PDE3B: variants seen among roughly 807,000 people sequenced by gnomAD.
PDE3B encodes the protein cGMP-inhibited 3',5'-cyclic phosphodiesterase 3B.
A neutral mutation model predicts 116.8 loss-of-function variants in PDE3B; 66 were observed. The ratio of observed to expected loss-of-function variants is 0.56; its 90% CI spans 0.46 to 0.69. The LOEUF is 0.69. Ranked by LOEUF, PDE3B falls within the 30% of genes least tolerant of loss-of-function variation. The pLI, the probability that PDE3B is intolerant of heterozygous loss-of-function variation, is 0.00. For missense variants in PDE3B, 1,384 were observed against 1,368.1 expected (o/e 1.01, Z -0.18); for synonymous variants, 595 against 533.6 (o/e 1.12, Z -1.59).
intron 1 of PDE3B, among the ~76,000 whole-genome samples, chr11:14,671,606 C>T (rs187819803): frequency 1.7e-3 from 264 of 152,080 alleles, no homozygotes; most frequent in Middle Eastern, 3.4e-3. Context: ...GGGCTATTGA[C>T]GGAATAGCTA....
chr11:14,711,289 C>T (rs1486767097), intron 1 of PDE3B, among the ~76,000 whole-genome samples: 1 of 152,146 alleles, frequency 6.6e-6, no homozygotes, highest in Non-Finnish European at 1.5e-5. Context: ...TTATATGACT[C>T]TCAGATAGAG....
At chr11:14,846,433 A>G (rs1202312704) in intron 12 of PDE3B, among the ~76,000 whole-genome samples, 9 of 152,344 alleles carry the variant, frequency 5.9e-5, no homozygotes, top group Admixed American at 2.6e-4. Context: ...TGCATCAACT[A>G]ATGAGCAAAA....
At chr11:14,750,090 G>T (rs1334396799) in intron 1 of PDE3B, among the ~76,000 whole-genome samples, 1 of 150,930 alleles carries the variant, frequency 6.6e-6, no homozygotes, top group Admixed American at 6.6e-5. Context: ...AAGCTGTCAG[G>T]CAGGAAGAAT....
At chr11:14,680,230 C>G (rs1270471675) in intron 1 of PDE3B, among the ~76,000 whole-genome samples, 1 of 152,174 alleles carries the variant, frequency 6.6e-6, no homozygotes, top group Non-Finnish European at 1.5e-5. Flanking sequence ...AGAATTTTAT[C>G]TCACAGTTGC....
the PDE3B span, chr11:14,886,632 C>A: frequency 5.9e-5 from 9 of 152,388 alleles, no homozygotes; most frequent in African/African-American, 2.2e-4. Context: ...TGTCACACCT[C>A]CTGTAGTCTA....
intron 1 of PDE3B, among the ~76,000 whole-genome samples, chr11:14,764,481 G>C (rs1337821590): frequency 6.6e-6 from 1 of 152,070 alleles, no homozygotes; most frequent in African/African-American, 2.4e-5. Context: ...CCGCAAAGTT[G>C]CTGTGATGTT....
chr11:14,685,555 A>G (rs1420571884), intron 1 of PDE3B, among the ~76,000 whole-genome samples: 1 of 145,918 alleles, frequency 6.9e-6, no homozygotes, highest in Non-Finnish European at 1.5e-5. Context: ...TCCTGGGTTC[A>G]AGTGCTTTTT....
At chr11:14,689,647 G>A (rs1442889278) in intron 1 of PDE3B, among the ~76,000 whole-genome samples, 1 of 152,184 alleles carries the variant, frequency 6.6e-6, no homozygotes, top group Non-Finnish European at 1.5e-5. Context: ...TTAGGAGAAA[G>A]ACAAGGACTG....
At chr11:14,785,950 A>G (rs1858178278) in intron 2 of PDE3B, among the ~76,000 whole-genome samples, 1 of 152,044 alleles carries the variant, frequency 6.6e-6, no homozygotes, top group Non-Finnish European at 1.5e-5. Context: ...ATATTAGCCC[A>G]TAATAAGGTA....
the PDE3B span, among the ~76,000 whole-genome samples, chr11:14,882,141 T>C: frequency 6.6e-6 from 1 of 152,140 alleles, no homozygotes; most frequent in Non-Finnish European, 1.5e-5. Flanking sequence ...TCATTTAACA[T>C]GTATTTGTGG....
At chr11:14,693,129 T>G (rs1362812919) in intron 1 of PDE3B, among the ~76,000 whole-genome samples, 1 of 152,224 alleles carries the variant, frequency 6.6e-6, no homozygotes, top group Non-Finnish European at 1.5e-5. Context: ...ATCCAGGCCC[T>G]AACTCTCTTC....
intron 1 of PDE3B, among the ~76,000 whole-genome samples, chr11:14,747,395 C>G (rs1017209179): frequency 6.6e-6 from 1 of 152,172 alleles, no homozygotes; most frequent in Admixed American, 6.5e-5. Flanking sequence ...ACTTACACAA[C>G]ATAACACAAA....
intron 1 of PDE3B, among the ~76,000 whole-genome samples, chr11:14,743,212 T>C (rs1372359541): frequency 6.6e-6 from 1 of 152,162 alleles, no homozygotes; most frequent in African/African-American, 2.4e-5. Context: ...GTTGTATCTC[T>C]AAGCCCCTGA....
Position 14,662,097 on chromosome 11 carries a change from C to A in PDE3B, c.978+17044C>A, listed in dbSNP as rs529866059. Among the ~76,000 whole-genome samples, 3 of 152,240 alleles carry A rather than the reference C, an allele frequency of 2.0e-5. No homozygotes were observed. The South Asian group carries it at 6.2e-4, about 32-fold the overall frequency. On this transcript the variant is annotated intron_variant, in intron 1 of 15. Transcript: ENST00000282096. ...TGACACTTCACACGGCCGGGTACTC[C>A]TCTGAGACAAAACTTCCAGAGGAAC...
intron 15 of PDE3B, among the ~76,000 whole-genome samples, chr11:14,868,125 G>C (rs993804066): frequency 6.6e-6 from 1 of 152,176 alleles, no homozygotes; most frequent in African/African-American, 2.4e-5. Flanking sequence ...CATGTTTTGA[G>C]TAACTTCTAT....
chr11:14,686,753 G>A (rs1040083760), intron 1 of PDE3B, among the ~76,000 whole-genome samples: 3 of 151,658 alleles, frequency 2.0e-5, no homozygotes, highest in Non-Finnish European at 4.4e-5. Flanking sequence ...TCGCTGTGTC[G>A]CCCAAGCTGG....
intron 2 of PDE3B, among the ~76,000 whole-genome samples, chr11:14,777,453 A>G (rs1468630374): frequency 2.0e-5 from 3 of 152,196 alleles, no homozygotes; most frequent in African/African-American, 7.2e-5. Flanking sequence ...GACATGTCAT[A>G]ATTAAACTTA....
At position 14,644,950 on chromosome 11, in the gene PDE3B, G is replaced by A; in HGVS notation, c.875G>A (p.Arg292Gln). Residue 292 changes from arginine (R) to glutamine (Q), a missense_variant, in exon 1 of 16, where the codon CGG becomes CAG. Around this residue, in one of 2 missense-constraint regions of PDE3B, gnomAD observed 956 missense variants for 806.8 expected, o/e 1.18. Coordinates refer to ENST00000282096, the MANE Select transcript of PDE3B (RefSeq NM_000922.4). ...GAAAAAGTGCCTGTGATCCGACCCC[G>A]GAGGAGGTCCAGCTGCGTGTCGTTA... ...AEEKVPVIRP[R>Q]RRSSCVSLGE... is the part of the protein sequence containing the mutation. 1 of 1,614,124 alleles carries A rather than the reference G, an allele frequency of 6.2e-7. No individual in the cohort carries two copies. The highest frequency in any genetic ancestry group is 8.5e-7 in the Non-Finnish European group (1 of 1,180,028).
intron 1 of PDE3B, among the ~76,000 whole-genome samples, chr11:14,730,510 A>C (rs2133853334): frequency 6.6e-6 from 1 of 152,280 alleles, no homozygotes; most frequent in East Asian, 1.9e-4. Context: ...AAAAGGCATA[A>C]ATTATTTTAA....
Sources: gnomAD v4.1 joint callset for allele counts (sites outside exome capture counted in the v4.1 genomes callset) on GRCh38, gnomAD v4.1.1 for gene constraint, gnomAD v4.1.1 regional missense constraint, MANE v1.5 for transcripts, NCBI Gene and HGNC (gene_info 2026-07-23, HGNC 2026-07-21) for gene names.